Variants in NUP210 observed in about 807,000 individuals in gnomAD.
NUP210 encodes the protein nuclear pore membrane glycoprotein 210.
NUP210 carries 151 observed loss-of-function variants against 196.0 expected under a neutral mutation model. The ratio of observed to expected loss-of-function variants is 0.77; its 90% CI spans 0.67 to 0.88. NUP210 has a LOEUF of 0.88. Ranked by LOEUF, NUP210 falls within the 40% of genes least tolerant of loss-of-function variation. The pLI, the probability that NUP210 is intolerant of heterozygous loss-of-function variation, is 0.00. For missense variants in NUP210, 2,314 were observed against 2,493.7 expected (o/e 0.93, Z 1.53); for synonymous variants, 1,070 against 1,052.7 (o/e 1.02, Z -0.32).
At chr3:13,321,464 T>C in intron 36 of NUP210, 121 bp downstream of exon 36, 3 of 1,084,710 alleles carry the variant, frequency 2.8e-6, no homozygotes, top group Non-Finnish European at 4.0e-6. Context: ...AAAATTCTAA[T>C]TGTAAAAATA....
intron 2 of NUP210, among the ~76,000 whole-genome samples, chr3:13,398,802 T>C (rs1046218810): frequency 2.0e-5 from 3 of 152,196 alleles, no homozygotes; most frequent in South Asian, 2.1e-4. Flanking sequence ...CATGCACCTG[T>C]GGTGGTCCCA....
chr3:13,353,616 T>C lies in NUP210; in HGVS notation c.2566A>G (p.Ile856Val), dbSNP rs1698059006. ...LVHEASGTTAITATATGYQES... is the reference protein window; with the variant it reads ...LVHEASGTTAVTATATGYQES... Reference sequence around the variant, plus strand: ...TGGTAGCCAGTGGCAGTGGCAGTGATGGCTGTGGTTCCTGATGCCTCGTGA... The same window carrying C: ...TGGTAGCCAGTGGCAGTGGCAGTGACGGCTGTGGTTCCTGATGCCTCGTGA... The change falls in exon 18 of 40, where the codon ATC (isoleucine) becomes GTC (valine). Residue 856 changes from isoleucine (I) to valine (V), a missense_variant. Ile to Val is a conservative substitution (Grantham distance 29). Coordinates refer to ENST00000254508, the MANE Select transcript of NUP210 (RefSeq NM_024923.4). 6.2e-7 allele frequency: 1 copy of C among 1,614,128 alleles called. No individual in the cohort carries two copies. The highest frequency in any genetic ancestry group is 8.5e-7 in the Non-Finnish European group (1 of 1,179,988).
intron 32 of NUP210, 32 bp downstream of exon 32, chr3:13,327,185 C>A: frequency 6.3e-7 from 1 of 1,583,028 alleles, no homozygotes; most frequent in East Asian, 2.3e-5. Flanking sequence ...GTCCGTGACT[C>A]CACAGGTTCC....
At chr3:13,342,190 C>T (rs773092071) in intron 21 of NUP210, 67 bp from the exon 22 acceptor site, 207 of 1,584,112 alleles carry the variant, frequency 1.3e-4, no homozygotes, top group Admixed American at 1.9e-4. Context: ...TATGGTGCTC[C>T]GTGACTTTCT....
chr3:13,327,415 TC>T lies in NUP210; in HGVS notation c.4308del (p.Lys1437ArgfsTer17), dbSNP rs1338787798. On this transcript the variant is annotated frameshift_variant, in exon 32 of 40. Coordinates refer to ENST00000254508, the MANE Select transcript of NUP210 (RefSeq NM_024923.4). LOFTEE classifies it high-confidence loss of function. ...ACGCAGGTGTTGTTGGTGGGGCCCT[TC>T]CCGATCTGCACAAAGTCGTCTCTAG... is the stretch of plus-strand genomic sequence containing the variant. ...ATNRDDFVQI[G>X]KGPTNNTCVV... 1 of 1,612,096 alleles carries T rather than the reference TC, an allele frequency of 6.2e-7. No individual in the cohort carries two copies. The highest frequency in any genetic ancestry group is 2.2e-5 in the East Asian group (1 of 44,856).
intron 18 of NUP210, among the ~76,000 whole-genome samples, chr3:13,353,137 C>A (rs754367709): frequency 1.3e-5 from 2 of 152,160 alleles, no homozygotes; most frequent in African/African-American, 2.4e-5. Context: ...GCTGCCCCCA[C>A]GGGACCCCAG....
intron 1 of NUP210, among the ~76,000 whole-genome samples, chr3:13,414,512 C>CA (rs1700281832): frequency 8.9e-3 from 1 of 112 alleles, no homozygotes; most frequent in Admixed American, 0.083. Context: ...CTAACCCTGC[C>CA]CACATCTGAC....
At chr3:13,390,506 T>C (rs538479005) in intron 4 of NUP210, among the ~76,000 whole-genome samples, 3 of 152,310 alleles carry the variant, frequency 2.0e-5, no homozygotes, top group South Asian at 4.1e-4. Context: ...CAGTGAGCCA[T>C]TGACAGGAGG....
chr3:13,380,478 G>A (rs918141028), intron 6 of NUP210, among the ~76,000 whole-genome samples: 3 of 152,194 alleles, frequency 2.0e-5, no homozygotes, highest in Non-Finnish European at 2.9e-5. Flanking sequence ...AGGGGACTGA[G>A]GATATCAAGA....
At chr3:13,396,744 G>C (rs1699668036) in intron 3 of NUP210, among the ~76,000 whole-genome samples, 1 of 114,108 alleles carries the variant, frequency 8.8e-6, no homozygotes, top group South Asian at 3.2e-4. Flanking sequence ...TGAGCAACAA[G>C]AGCAAGACTC....
At chr3:13,352,216 G>A (rs1328014269) in intron 18 of NUP210, 32 bp from the exon 19 acceptor site, 1 of 1,536,102 alleles carries the variant, frequency 6.5e-7, no homozygotes, top group South Asian at 1.1e-5. Context: ...ATTAGATCCA[G>A]GAGGACATGA....
chr3:13,400,393 G>A (rs1186882723), intron 1 of NUP210, among the ~76,000 whole-genome samples: 1 of 152,186 alleles, frequency 6.6e-6, no homozygotes, highest in African/African-American at 2.4e-5. Context: ...AGTGCCTGCG[G>A]AGCGGATATT....
intron 1 of NUP210, among the ~76,000 whole-genome samples, chr3:13,410,166 C>T (rs539778186): frequency 1.3e-5 from 2 of 150,502 alleles, no homozygotes; most frequent in South Asian, 4.2e-4. Flanking sequence ...CCAGCTATTA[C>T]TGATTTTTTT....
At chr3:13,372,819 T>C (rs976499122) in intron 12 of NUP210, among the ~76,000 whole-genome samples, 2 of 152,160 alleles carry the variant, frequency 1.3e-5, no homozygotes, top group Non-Finnish European at 2.9e-5. Flanking sequence ...AGCCAGGTTC[T>C]ACCCAGAACG....
chr3:13,345,958 A>G (rs1315873377), intron 20 of NUP210, among the ~76,000 whole-genome samples: 1 of 152,254 alleles, frequency 6.6e-6, no homozygotes, highest in Middle Eastern at 3.2e-3. Flanking sequence ...CACAATGTGA[A>G]GAAATTCCAT....
chr3:13,360,601 C>A, intron 14 of NUP210, 110 bp from the exon 15 acceptor site: 1 of 726,760 alleles, frequency 1.4e-6, no homozygotes. Flanking sequence ...GGTGGTCAGG[C>A]AAGCCCCATC....
chr3:13,418,964 A>G (rs1276370657), intron 1 of NUP210, among the ~76,000 whole-genome samples: 35 of 149,578 alleles, frequency 2.3e-4, no homozygotes, highest in Admixed American at 2.0e-3. Context: ...AAAAAAAAAA[A>G]AAAAAAAAAG....
Position 13,408,273 on chromosome 3 carries a change from A to G in NUP210, c.168-8412T>C, listed in dbSNP as rs1199796771. On this transcript the variant is annotated intron_variant, in intron 1 of 39. Coordinates refer to ENST00000254508, the MANE Select transcript of NUP210 (RefSeq NM_024923.4). ...TTTATTTTTCTGGATTTGATTAGCTAGTATTTTAAAAAATTGTGCTTTTGG... is the reference window on the plus strand; with the variant it reads ...TTTATTTTTCTGGATTTGATTAGCTGGTATTTTAAAAAATTGTGCTTTTGG... Among the ~76,000 whole-genome samples the G allele has an allele frequency of 3.3e-5, 5 of 152,144 alleles. No individual in the cohort carries two copies. The East Asian group carries it at 5.8e-4, about 18-fold the overall frequency.
chr3:13,402,704 C>T (rs1392749271), intron 1 of NUP210, among the ~76,000 whole-genome samples: 4 of 137,740 alleles, frequency 2.9e-5, no homozygotes, highest in East Asian at 1.9e-4. Context: ...TTTCATTTTC[C>T]GTCAAAAAAA....
Sources: allele counts gnomAD v4.1 joint callset (sites outside exome capture counted in the v4.1 genomes callset), GRCh38; gene constraint gnomAD v4.1.1; transcripts MANE v1.5; gene names NCBI Gene and HGNC (gene_info 2026-07-23, HGNC 2026-07-21).